The following PDE1A variants were observed in gnomAD, a reference collection of about 807,000 sequenced individuals.
The protein encoded by PDE1A is phosphodiesterase 1A.
PDE1A carries 35 observed loss-of-function variants against 61.7 expected under a neutral mutation model. That is an observed-to-expected ratio of 0.57 (90% CI 0.43 to 0.75). PDE1A has a LOEUF of 0.75. PDE1A is among the 30% of genes least tolerant of loss of function. The probability of loss-of-function intolerance (pLI) is 0.00; values close to 1 mark genes in which losing one functional copy is unlikely to be tolerated. For missense variants in PDE1A, 597 were observed against 630.6 expected (o/e 0.95, Z 0.57); for synonymous variants, 232 against 213.2 (o/e 1.09, Z -0.77).
At chr2:182,641,028 A>AAAAAAAAAAAAAAAG in the PDE1A span, among the ~76,000 whole-genome samples, 1 of 149,622 alleles carries the variant, frequency 6.7e-6, no homozygotes, top group Admixed American at 6.6e-5. Context: ...TCAAAAAAAA[A>AAAAAAAAAAAAAAAG]AAGAAGAAGA....
chr2:182,242,863 C>T (rs1339776595), intron 2 of PDE1A, among the ~76,000 whole-genome samples: 1 of 150,684 alleles, frequency 6.6e-6, no homozygotes, highest in African/African-American at 2.4e-5. Flanking sequence ...CTCGCTCTCT[C>T]TCTCCTCTCT....
the PDE1A span, among the ~76,000 whole-genome samples, chr2:182,705,587 C>T: frequency 6.6e-6 from 1 of 151,962 alleles, no homozygotes; most frequent in Non-Finnish European, 1.5e-5. Flanking sequence ...CTTCCCAGCT[C>T]ACTGCAACTG....
chr2:182,235,838 TTATAAAAC>T (rs1380991174), intron 3 of PDE1A, among the ~76,000 whole-genome samples: 1 of 152,240 alleles, frequency 6.6e-6, no homozygotes, highest in Non-Finnish European at 1.5e-5. Context: ...TCTACGTCTT[TTATAAAAC>T]CGCTATAGAA....
At chr2:182,617,106 T>C in the PDE1A span, among the ~76,000 whole-genome samples, 1 of 152,238 alleles carries the variant, frequency 6.6e-6, no homozygotes, top group African/African-American at 2.4e-5. Context: ...ATTGTTTTTG[T>C]GTACCTTGGA....
At chr2:182,242,872 CTCCT>C (rs1275391017) in intron 2 of PDE1A, among the ~76,000 whole-genome samples, 36 of 149,860 alleles carry the variant, frequency 2.4e-4, no homozygotes, top group African/African-American at 5.4e-4. Flanking sequence ...TCTCTCCTCT[CTCCT>C]CTCCTCCCTC....
the PDE1A span, among the ~76,000 whole-genome samples, chr2:182,562,952 CTTT>C: frequency 6.6e-6 from 1 of 152,122 alleles, no homozygotes; most frequent in Non-Finnish European, 1.5e-5. Context: ...CTCTTTTCTT[CTTT>C]ATTAGTCTTG....
Position 182,359,881 on chromosome 2 carries a change from A to G in PDE1A, c.53+66697T>C, listed in dbSNP as rs1699401720. On this transcript the variant is annotated intron_variant, in intron 1 of 13. Coordinates refer to ENST00000351439, the Ensembl canonical transcript of PDE1A. ...CAGGCTTATCTTGAGATTGCCAAGG[A>G]ATGACATGTTTATTTAGCTTTGTTT... Among the ~76,000 whole-genome samples the G allele has an allele frequency of 2.0e-5, 3 of 152,252 alleles. 1 individual carries two copies. The South Asian group carries it at 6.2e-4, about 32-fold the overall frequency.
downstream of PDE1A, chr2:182,146,945 G>T: frequency 2.0e-6 from 1 of 502,128 alleles, no homozygotes; most frequent in Non-Finnish European, 3.5e-6. Context: ...AACTCTAGGA[G>T]GGCATTTAAA....
intron 2 of PDE1A, among the ~76,000 whole-genome samples, chr2:182,507,236 G>GT: frequency 6.6e-6 from 1 of 152,242 alleles, no homozygotes; most frequent in Non-Finnish European, 1.5e-5. Flanking sequence ...AGACTTATGT[G>GT]AAAAATTCAG....
chr2:182,304,312 G>A (rs1695440308), intron 1 of PDE1A, among the ~76,000 whole-genome samples: 1 of 152,134 alleles, frequency 6.6e-6, no homozygotes, highest in East Asian at 1.9e-4. Flanking sequence ...ATTAGGCTTT[G>A]GCTTAAGGGA....
chr2:182,699,865 A>C, the PDE1A span, among the ~76,000 whole-genome samples: 1 of 152,232 alleles, frequency 6.6e-6, no homozygotes, highest in East Asian at 1.9e-4. Flanking sequence ...GAAGAAGACA[A>C]GAGGTCAACC....
At chr2:182,611,333 A>G in the PDE1A span, among the ~76,000 whole-genome samples, 1 of 152,234 alleles carries the variant, frequency 6.6e-6, no homozygotes, top group Non-Finnish European at 1.5e-5. Context: ...AGCAATAGAA[A>G]AAAGTGATTT....
chr2:182,543,077 C>T, the PDE1A span, among the ~76,000 whole-genome samples: 1 of 152,062 alleles, frequency 6.6e-6, no homozygotes, highest in African/African-American at 2.4e-5. Flanking sequence ...CCTGAAGTTA[C>T]AAATCCAGGA....
chr2:182,423,242 G>C (rs1335635446), intron 1 of PDE1A, among the ~76,000 whole-genome samples: 1 of 151,962 alleles, frequency 6.6e-6, no homozygotes, highest in Non-Finnish European at 1.5e-5. Context: ...TTAAAAAATA[G>C]ATTTGATAAC....
the PDE1A span, among the ~76,000 whole-genome samples, chr2:182,536,627 T>C: frequency 2.0e-5 from 3 of 152,202 alleles, no homozygotes; most frequent in Non-Finnish European, 4.4e-5. Context: ...TGGAAGATTG[T>C]ATTTTCCAAA....
intron 1 of PDE1A, among the ~76,000 whole-genome samples, chr2:182,309,421 C>A (rs1695816637): frequency 6.6e-6 from 1 of 151,986 alleles, no homozygotes; most frequent in East Asian, 1.9e-4. Context: ...AAGGCATCTC[C>A]ATTTCTGCCA....
At chr2:182,589,320 T>A in the PDE1A span, among the ~76,000 whole-genome samples, 1 of 136,906 alleles carries the variant, frequency 7.3e-6, no homozygotes, top group Non-Finnish European at 1.7e-5. Context: ...AAAAGAGGTA[T>A]GATTGATGTA....
chr2:182,450,648 T>C (rs1430714451), intron 2 of PDE1A, among the ~76,000 whole-genome samples: 1 of 152,034 alleles, frequency 6.6e-6, no homozygotes, highest in Non-Finnish European at 1.5e-5. Context: ...CTTGTTCCTT[T>C]TAAGGCTATT....
In PDE1A at chr2:182,205,983, C is replaced by A; in HGVS notation, c.859G>T (p.Glu287Ter). ...AAATTTATCAAGATATTCATTTCTT[C>A]TTCTTGCATAAGTCGATAAGCTGCA... The change falls in exon 8 of 14, where the codon GAA (glutamate) becomes TAA (stop). Residue 287 changes from glutamate (E) to a stop codon, truncating the protein, a stop_gained. Coordinates refer to ENST00000351439, the Ensembl canonical transcript of PDE1A. LOFTEE classifies it high-confidence loss of function. 1 of 1,611,238 alleles carries A rather than the reference C, an allele frequency of 6.2e-7. No homozygotes were observed. Among genetic ancestry groups the A allele is most frequent in the East Asian group, 2.2e-5 (1 of 44,858 alleles).
Sources: gnomAD v4.1 joint callset for allele counts (sites outside exome capture counted in the v4.1 genomes callset) on GRCh38, gnomAD v4.1.1 for gene constraint, MANE v1.5 for transcripts, NCBI Gene and HGNC (gene_info 2026-07-23, HGNC 2026-07-21) for gene names.